Variants in PDE7B observed in about 807,000 individuals in gnomAD.
The protein encoded by PDE7B is 3',5'-cyclic-AMP phosphodiesterase 7B.
PDE7B carries 29 observed loss-of-function variants against 56.2 expected under a neutral mutation model. The ratio of observed to expected loss-of-function variants is 0.52; its 90% CI spans 0.38 to 0.70. The LOEUF is 0.70. PDE7B is among the 30% of genes least tolerant of loss of function. PDE7B has a pLI of 0.00. For missense variants in PDE7B, 490 were observed against 565.0 expected, an observed-to-expected ratio of 0.87 and a Z score of 1.35; for synonymous variants, 197 against 196.9, an observed-to-expected ratio of 1.00 and a Z score of 0.00.
intron 9 of PDE7B, among the ~76,000 whole-genome samples, chr6:136,174,267 C>T (rs952326180): frequency 6.6e-6 from 1 of 152,166 alleles, no homozygotes; most frequent in African/African-American, 2.4e-5. Context: ...CCCAGGCATT[C>T]TAAAGCTAGA....
chr6:135,915,655 G>A (rs547102616), intron 1 of PDE7B, among the ~76,000 whole-genome samples: 1 of 152,244 alleles, frequency 6.6e-6, no homozygotes, highest in South Asian at 2.1e-4. Context: ...ACCACGTCCA[G>A]GTATAGACCC....
chr6:136,138,694 G>T (rs752032101), intron 3 of PDE7B, among the ~76,000 whole-genome samples: 1 of 152,138 alleles, frequency 6.6e-6, no homozygotes, highest in African/African-American at 2.4e-5. Flanking sequence ...CCAGATAGAA[G>T]TTAAACGGAG....
chr6:135,964,254 C>A (rs1328977035), intron 2 of PDE7B, among the ~76,000 whole-genome samples: 1 of 152,020 alleles, frequency 6.6e-6, no homozygotes, highest in African/African-American at 2.4e-5. Context: ...CAGGTGCACA[C>A]CACCACACCC....
At chr6:136,051,477 T>C (rs1298409646) in intron 2 of PDE7B, among the ~76,000 whole-genome samples, 1 of 152,228 alleles carries the variant, frequency 6.6e-6, no homozygotes, top group Non-Finnish European at 1.5e-5. Flanking sequence ...GGCTCTCCTC[T>C]CTTCCCTGCA....
rs771066706 is a variant in PDE7B, at chr6:136,108,784, T to A, written c.136T>A (p.Tyr46Asn). The A allele has an allele frequency of 6.2e-7, 1 of 1,609,470 alleles. No individual in the cohort carries two copies. Among genetic ancestry groups the A allele is most frequent in the Admixed American group, 1.7e-5 (1 of 60,006 alleles). ...GGTTCGTGCTGAACGCCGTGGCTCC[T>A]ACCCATTCATTGACTTCCGCCTACT... The part of the protein sequence containing the change: ...TGVRAERRGS[Y>N]PFIDFRLLNS... Residue 46 changes from tyrosine (Y) to asparagine (N), a missense_variant, in exon 3 of 13, where the codon TAC becomes AAC. Physicochemically the swap from Tyr to Asn is moderately radical, Grantham distance 143. Coordinates refer to ENST00000308191, the MANE Select transcript of PDE7B (RefSeq NM_018945.4).
chr6:136,036,127 A>C (rs140920890), intron 2 of PDE7B, among the ~76,000 whole-genome samples: 226 of 152,342 alleles, frequency 1.5e-3, no homozygotes, highest in African/African-American at 5.3e-3. Flanking sequence ...AAATCATCTC[A>C]ATCCTAGAGA....
chr6:136,009,427 G>A (rs1337924585), intron 2 of PDE7B, among the ~76,000 whole-genome samples: 2 of 152,078 alleles, frequency 1.3e-5, no homozygotes, highest in Non-Finnish European at 2.9e-5. Context: ...ACCTTGGGCA[G>A]TATGGCCATT....
At chr6:135,916,392 C>CTTTTTTTTTTTTTTTTTTTTTTTTTTT (rs566408380) in intron 1 of PDE7B, among the ~76,000 whole-genome samples, 7 of 96,346 alleles carry the variant, frequency 7.3e-5, no homozygotes, top group East Asian at 3.8e-4. Flanking sequence ...TCTTTTCTTT[C>CTTTTTTTTTTTTTTTTTTTTTTTTTTT]TTTTTTTTTT....
chr6:136,156,564 C>T (rs1024714045), intron 8 of PDE7B, among the ~76,000 whole-genome samples: 3 of 152,042 alleles, frequency 2.0e-5, no homozygotes, highest in African/African-American at 7.2e-5. Context: ...GGTCTAGGGA[C>T]CACATTCAGG....
chr6:135,899,135 C>G (rs1187539445), intron 1 of PDE7B, among the ~76,000 whole-genome samples: 1 of 152,118 alleles, frequency 6.6e-6, no homozygotes, highest in Non-Finnish European at 1.5e-5. Flanking sequence ...CATTCACCTT[C>G]TGCCATGATT....
At chr6:135,863,809 A>G (rs1385704175) in intron 1 of PDE7B, among the ~76,000 whole-genome samples, 2 of 151,390 alleles carry the variant, frequency 1.3e-5, no homozygotes, top group African/African-American at 4.9e-5. Flanking sequence ...TTAGTTTTAA[A>G]TTGTCTATAT....
chr6:136,086,924 CCACA>C (rs1305853321), intron 2 of PDE7B, among the ~76,000 whole-genome samples: 11 of 152,140 alleles, frequency 7.2e-5, no homozygotes, highest in Non-Finnish European at 1.3e-4. Flanking sequence ...GTGCCAATCA[CCACA>C]CAAACTGTGG....
chr6:136,141,199 C>T (rs1362566494), intron 3 of PDE7B, among the ~76,000 whole-genome samples: 2 of 152,136 alleles, frequency 1.3e-5, no homozygotes, highest in African/African-American at 2.4e-5. Context: ...TTGTCAAAGG[C>T]CTTTTCTGCG....
chr6:136,053,944 T>G (rs1404202175), intron 2 of PDE7B, among the ~76,000 whole-genome samples: 1 of 152,258 alleles, frequency 6.6e-6, no homozygotes, highest in Non-Finnish European at 1.5e-5. Flanking sequence ...CATTGTAGAT[T>G]CTGGATATTA....
intron 1 of PDE7B, among the ~76,000 whole-genome samples, chr6:135,902,900 A>G (rs1776031078): frequency 6.6e-6 from 1 of 152,166 alleles, no homozygotes; most frequent in South Asian, 2.1e-4. Context: ...TGATGTTGTT[A>G]TTCTCCTCAT....
chr6:135,872,191 A>G (rs974640571), intron 1 of PDE7B, among the ~76,000 whole-genome samples: 1 of 152,202 alleles, frequency 6.6e-6, no homozygotes, highest in Non-Finnish European at 1.5e-5. Context: ...TCTTATGTAA[A>G]TATGGCCAGT....
At chr6:136,052,037 A>G (rs552550977) in intron 2 of PDE7B, among the ~76,000 whole-genome samples, 8 of 151,988 alleles carry the variant, frequency 5.3e-5, no homozygotes, top group Non-Finnish European at 1.2e-4. Flanking sequence ...CATTACATGT[A>G]CATTTAAAGT....
At chr6:135,908,892 A>G (rs572280413) in intron 1 of PDE7B, among the ~76,000 whole-genome samples, 1 of 152,356 alleles carries the variant, frequency 6.6e-6, no homozygotes, top group African/African-American at 2.4e-5. Context: ...TTATAGTATG[A>G]ACGAAATCAC....
intron 1 of PDE7B, among the ~76,000 whole-genome samples, chr6:135,914,090 C>T (rs746590293): frequency 7.9e-5 from 12 of 152,136 alleles, no homozygotes; most frequent in Non-Finnish European, 1.6e-4. Context: ...GGCTTTAAGC[C>T]TTGTCACTTC....
Sources: allele counts gnomAD v4.1 joint callset (sites outside exome capture counted in the v4.1 genomes callset), GRCh38; gene constraint gnomAD v4.1.1; transcripts MANE v1.5; gene names NCBI Gene and HGNC (gene_info 2026-07-23, HGNC 2026-07-21).